Variants in NIN observed in about 807,000 individuals in gnomAD.
The protein encoded by NIN is ninein, also known as glycogen synthase kinase 3 beta-interacting protein.
NIN carries 137 observed loss-of-function variants against 257.6 expected under a neutral mutation model. That is an observed-to-expected ratio of 0.53 (90% CI 0.46 to 0.61). NIN has a LOEUF of 0.61. NIN is among the 20% of genes least tolerant of loss of function. The pLI, the probability that NIN is intolerant of heterozygous loss-of-function variation, is 0.00. For missense variants in NIN, 2,439 were observed against 2,501.2 expected (o/e 0.98, Z 0.53); for synonymous variants, 918 against 919.8 (o/e 1.00, Z 0.04).
At position 50,773,139 on chromosome 14, in the gene NIN, T is replaced by A. The variant is rs761381032; in HGVS notation, c.667-44A>T. The A allele has an allele frequency of 1.1e-5, 17 of 1,538,746 alleles. No individual in the cohort carries two copies. The South Asian group carries it at 1.9e-4, about 17-fold the overall frequency. ...ATATTTTAAATACTCCATTCAAGTA[T>A]ACAAGGCCCAAAGTATACTTCCGGC... On this transcript the variant is annotated intron_variant, in intron 7 of 30. Coordinates refer to ENST00000530997, the MANE Select transcript of NIN (RefSeq NM_020921.4).
chr14:50,725,026 C>T (rs377677205), intron 30 of NIN, among the ~76,000 whole-genome samples: 6 of 152,278 alleles, frequency 3.9e-5, no homozygotes, highest in African/African-American at 4.8e-5. Context: ...CCTGTGCCCA[C>T]GGCAGGACCT....
In NIN at chr14:50,757,839, C is replaced by T. The variant is rs773606348; in HGVS notation, c.3191G>A (p.Gly1064Glu). The change falls in exon 18 of 31, where the codon GGG (glycine) becomes GAG (glutamate). Residue 1064 changes from glycine (G) to glutamate (E), a missense_variant. Transcript: ENST00000530997. Reference protein sequence around the residue: ...QQGEQLLEENGDVLLSLQRAH... With the variant: ...QQGEQLLEENEDVLLSLQRAH... ...TCTCTGCAGGCTTAAGAGGACGTCCCCATTTTCTTCCAACAGCTGCTCCCC... is the reference window on the plus strand; with the variant it reads ...TCTCTGCAGGCTTAAGAGGACGTCCTCATTTTCTTCCAACAGCTGCTCCCC... 3 of 1,614,136 alleles carry T rather than the reference C, an allele frequency of 1.9e-6. No individual in the cohort carries two copies. The highest frequency in any genetic ancestry group is 1.7e-6 in the Non-Finnish European group (2 of 1,180,036).
At chr14:50,727,239 TAAA>T in intron 29 of NIN, 1 of 950,098 alleles carries the variant, frequency 1.1e-6, no homozygotes, top group Non-Finnish European at 1.3e-6. Flanking sequence ...GTCATATACT[TAAA>T]ATTTATTTTA....
rs758035891 is a variant in NIN, at chr14:50,756,936, T to C, written c.4094A>G (p.Gln1365Arg). ...ACACTCTTCCAGTGTCTGATTGAGCTGGAGTATATTTCCATCAGGTTCGAT... is the reference window on the plus strand; with the variant it reads ...ACACTCTTCCAGTGTCTGATTGAGCCGGAGTATATTTCCATCAGGTTCGAT... ...LEIEPDGNIL[Q>R]LNQTLEECVP... Residue 1365 changes from glutamine (Q) to arginine (R), a missense_variant, in exon 18 of 31, where the codon CAG becomes CGG. Gln to Arg is a conservative substitution (Grantham distance 43). Around this residue, in one of 3 missense-constraint regions of NIN, gnomAD observed 2,043 missense variants for 2,050.2 expected, o/e 1.00. Transcript: ENST00000530997. 2 of 1,582,810 alleles carry C rather than the reference T, an allele frequency of 1.3e-6. No homozygotes were observed. Among genetic ancestry groups the C allele is most frequent in the African/African-American group, 1.3e-5 (1 of 74,200 alleles).
intron 5 of NIN, among the ~76,000 whole-genome samples, chr14:50,787,140 A>T (rs189228120): frequency 3.2e-4 from 48 of 152,332 alleles, no homozygotes; most frequent in Non-Finnish European, 5.6e-4. Context: ...TATTGTCTAC[A>T]GTTGGAAAAA....
chr14:50,812,893 G>A (rs774206819), intron 3 of NIN, among the ~76,000 whole-genome samples: 5 of 152,286 alleles, frequency 3.3e-5, no homozygotes, highest in East Asian at 3.9e-4. Context: ...CAAACAGTCC[G>A]AAAATTCACA....
chr14:50,824,292 C>T (rs934973686), intron 2 of NIN, among the ~76,000 whole-genome samples: 1 of 152,196 alleles, frequency 6.6e-6, no homozygotes, highest in African/African-American at 2.4e-5. Context: ...ATTTGATATA[C>T]TATCATGCCC....
chr14:50,737,264 A>G (rs2041025541), intron 27 of NIN, among the ~76,000 whole-genome samples: 1 of 152,130 alleles, frequency 6.6e-6, no homozygotes, highest in Admixed American at 6.5e-5. Context: ...TGAAGAGCTG[A>G]GGTCTCAGGC....
intron 2 of NIN, chr14:50,823,413 G>C: frequency 4.6e-6 from 2 of 433,564 alleles, no homozygotes; most frequent in South Asian, 1.9e-5. Flanking sequence ...TAACTTAGAG[G>C]TGATCGTCCA....
intron 12 of NIN, among the ~76,000 whole-genome samples, chr14:50,768,052 AACACACACACAC>A (rs61028485): frequency 0.051 from 7,138 of 139,040 alleles, 178 homozygotes; most frequent in African/African-American, 0.056. Flanking sequence ...CACATTTGCC[AACACACACACAC>A]ACACACACAC....
chr14:50,768,674 G>A (rs1043716372), intron 12 of NIN, among the ~76,000 whole-genome samples: 2 of 152,146 alleles, frequency 1.3e-5, no homozygotes, highest in African/African-American at 4.8e-5. Flanking sequence ...GTATGAGGAC[G>A]AGCTCCTTTT....
At chr14:50,747,237 C>G (rs903720876) in intron 22 of NIN, among the ~76,000 whole-genome samples, 3 of 152,212 alleles carry the variant, frequency 2.0e-5, no homozygotes, top group African/African-American at 7.2e-5. Context: ...TGCTCTAGAA[C>G]TGATGCCTCA....
At position 50,721,834 on chromosome 14, in the gene NIN, T is replaced by TG. The variant is rs1469933397; in HGVS notation, c.*1628dup. 4.5e-6 allele frequency: 1 copy of TG among 223,900 alleles called. No individual in the cohort carries two copies. The highest frequency in any genetic ancestry group is 8.9e-6 in the Non-Finnish European group (1 of 112,138). 13.9% of individuals were successfully genotyped at this position (223,900 alleles called of 1,614,324 possible). A position where few individuals can be genotyped will look rare whatever the true frequency, so the allele number is the denominator to read the frequency against. On this transcript the variant is annotated 3_prime_UTR_variant, in exon 31 of 31. Coordinates refer to ENST00000530997, the MANE Select transcript of NIN (RefSeq NM_020921.4). The stretch of plus-strand genomic sequence containing the variant: ...TCAAGGCTCTTGTAGTGAGGCCTCC[T>TG]GGGTTGACCGGTGAGACTCATAAGC...
In NIN at chr14:50,726,042, C is replaced by T. The variant is rs1302369613; in HGVS notation, c.6103G>A (p.Val2035Ile). The change falls in exon 30 of 31, where the codon GTC becomes ATC. Residue 2035 changes from valine to isoleucine, a missense_variant. By Grantham distance (29) the Val-to-Ile change is conservative. Transcript: ENST00000530997. ...ACTTCTATCATTCGTTCCTCCATGA[C>T]AGTTACCAGTTGTTCCTGGTTTCCC... The part of the protein sequence containing the change: ...PQGNQEQLVT[V>I]MEERMIEVEQ... The T allele has an allele frequency of 1.2e-6, 2 of 1,613,648 alleles. No homozygotes were observed. Among genetic ancestry groups the T allele is most frequent in the East Asian group, 2.2e-5 (1 of 44,862 alleles).
chr14:50,770,809 C>A, intron 11 of NIN, 43 bp downstream of exon 11: 1 of 1,591,558 alleles, frequency 6.3e-7, no homozygotes. Flanking sequence ...CTGCCCTGGG[C>A]CAGGGTGGTG....
intron 2 of NIN, among the ~76,000 whole-genome samples, chr14:50,827,770 A>AG (rs1225772685): frequency 1.4e-3 from 206 of 151,138 alleles, no homozygotes; most frequent in African/African-American, 4.5e-3. Context: ...AAAAAAAAAA[A>AG]AAAGAAAGAA....
chr14:50,761,018 G>A (rs564947437), intron 16 of NIN, among the ~76,000 whole-genome samples: 1 of 152,070 alleles, frequency 6.6e-6, no homozygotes, highest in Non-Finnish European at 1.5e-5. Flanking sequence ...ACACCTATCA[G>A]GTACTTGCAG....
Position 50,760,144 on chromosome 14 carries a change from C to T in NIN, c.2112G>A (p.Leu704=), listed in dbSNP as rs768091006. 4.3e-6 allele frequency: 7 copies of T among 1,614,094 alleles called. No homozygotes were observed. The highest frequency in any genetic ancestry group is 2.5e-6 in the Non-Finnish European group (3 of 1,180,050). The change falls in exon 17 of 31, where the codon CTG becomes CTA. Residue 704 remains leucine, a synonymous_variant. Coordinates refer to ENST00000530997, the MANE Select transcript of NIN (RefSeq NM_020921.4). ...TCTTTTCCTCCTCAAGCTTCACTTG[C>T]AGTTGTTTTTTCTCCTCCTCATGCC... ...TCRHEEEKKQ[L]QVKLEEEKTH...
chr14:50,720,402 C>A lies in NIN; in HGVS notation c.*3061G>T. 1 of 212,666 alleles carries A rather than the reference C, an allele frequency of 4.7e-6. No individual in the cohort carries two copies. Among genetic ancestry groups the A allele is most frequent in the East Asian group, 7.1e-5 (1 of 14,126 alleles). 13.2% of individuals were successfully genotyped at this position (212,666 alleles called of 1,614,324 possible). Reference sequence around the variant, plus strand: ...CACATAAATCACAAAATAAAAAATTCATTTCTCACATGTTAAAAAAGCAAA... The same window carrying A: ...CACATAAATCACAAAATAAAAAATTAATTTCTCACATGTTAAAAAAGCAAA... On this transcript the variant is annotated 3_prime_UTR_variant, in exon 31 of 31. Coordinates refer to ENST00000530997, the MANE Select transcript of NIN (RefSeq NM_020921.4).
Sources: gnomAD v4.1 joint callset for allele counts (sites outside exome capture counted in the v4.1 genomes callset) on GRCh38, gnomAD v4.1.1 for gene constraint, gnomAD v4.1.1 regional missense constraint, MANE v1.5 for transcripts, NCBI Gene and HGNC (gene_info 2026-07-23, HGNC 2026-07-21) for gene names.